Variants in COG2 observed in about 807,000 individuals in gnomAD.
COG2 encodes conserved oligomeric Golgi complex subunit 2.
A neutral mutation model predicts 90.6 loss-of-function variants in COG2; 52 were observed. That is an observed-to-expected ratio of 0.57 (90% CI 0.46 to 0.72). The LOEUF (loss-of-function observed/expected upper bound fraction) is 0.72. Ranked by LOEUF, COG2 falls within the 30% of genes least tolerant of loss-of-function variation. COG2 has a pLI of 0.00. For missense variants in COG2, 829 were observed against 891.2 expected (o/e 0.93, Z 0.89); for synonymous variants, 337 against 320.4 (o/e 1.05, Z -0.55).
In COG2 at chr1:230,675,474, G is replaced by C. The variant is rs1389674272; in HGVS notation, c.1026+350G>C. Among the ~76,000 whole-genome samples, 4 of 152,108 alleles carry C rather than the reference G, an allele frequency of 2.6e-5. No individual in the cohort carries two copies. The East Asian group carries it at 7.7e-4, about 29-fold the overall frequency. ...TGAAAAATTAAGTTTGTACATCTCT[G>C]CCATATAATTTTGAATGAAAACAGA... On this transcript the variant is annotated intron_variant, in intron 9 of 17. Transcript: ENST00000366669.
chr1:230,651,204 G>A (rs1661906147), intron 1 of COG2, among the ~76,000 whole-genome samples: 1 of 152,058 alleles, frequency 6.6e-6, no homozygotes, highest in Non-Finnish European at 1.5e-5. Context: ...ATGTCTGGGG[G>A]ATTTGGGTTC....
At chr1:230,660,023 C>T (rs1474365826) in intron 2 of COG2, among the ~76,000 whole-genome samples, 1 of 152,170 alleles carries the variant, frequency 6.6e-6, no homozygotes, top group Non-Finnish European at 1.5e-5. Flanking sequence ...ATTGAGAGAA[C>T]ATTGGCCAGT....
chr1:230,664,563 A>T lies in COG2; in HGVS notation c.461A>T (p.Glu154Val). 2 of 1,562,984 alleles carry T rather than the reference A, an allele frequency of 1.3e-6. No individual in the cohort carries two copies. The highest frequency in any genetic ancestry group is 1.7e-6 in the Non-Finnish European group (2 of 1,147,758). Residue 154 changes from glutamate (E) to valine (V), a missense_variant, in exon 5 of 18, where the codon GAA (glutamate) becomes GTA (valine). Glu to Val is a moderately radical substitution (Grantham distance 121). Coordinates refer to ENST00000366669, the MANE Select transcript of COG2 (RefSeq NM_007357.3). ...EKILNSQSSKETSALEASSPL... is the reference protein window; with the variant it reads ...EKILNSQSSKVTSALEASSPL... ...ATCTTAAACTCTCAAAGTTCTAAAGAAACCTCTGCACTAGAAGCAAGCAGG... is the reference window on the plus strand; with the variant it reads ...ATCTTAAACTCTCAAAGTTCTAAAGTAACCTCTGCACTAGAAGCAAGCAGG...
chr1:230,678,959 G>C lies in COG2; in HGVS notation c.1073G>C (p.Cys358Ser). ...TTTGTCAGAAGATTGGAACGGCAGT[G>C]TGGATCACAGGCTAGTGTAAAGAGA... is the stretch of plus-strand genomic sequence containing the variant. Reference protein sequence around the residue: ...MDFVRRLERQCGSQASVKRLR... With the variant: ...MDFVRRLERQSGSQASVKRLR... The change falls in exon 10 of 18, where the codon TGT becomes TCT. Residue 358 changes from cysteine to serine, a missense_variant. Physicochemically the swap from Cys to Ser is moderately radical, Grantham distance 112. Transcript: ENST00000366669. 6.2e-7 allele frequency: 1 copy of C among 1,613,616 alleles called. No homozygotes were observed. Among genetic ancestry groups the C allele is most frequent in the Non-Finnish European group, 8.5e-7 (1 of 1,179,600 alleles).
chr1:230,688,959 T>G, intron 15 of COG2, among the ~76,000 whole-genome samples: 1 of 152,310 alleles, frequency 6.6e-6, no homozygotes, highest in East Asian at 1.9e-4. Context: ...AGTTGGCCCC[T>G]TATCCCCAGG....
chr1:230,689,934 G>T, intron 15 of COG2, 80 bp from the exon 16 acceptor site: 1 of 1,372,524 alleles, frequency 7.3e-7, no homozygotes, highest in Non-Finnish European at 9.9e-7. Flanking sequence ...GTATCCTTTT[G>T]GACTTGAGTT....
intron 1 of COG2, 76 bp downstream of exon 1, chr1:230,642,754 G>T: frequency 7.0e-7 from 1 of 1,420,676 alleles, no homozygotes; most frequent in Non-Finnish European, 9.6e-7. Flanking sequence ...CGGTCTCTTC[G>T]GTCGGCTGCT....
chr1:230,678,861 C>G, intron 9 of COG2, 52 bp from the exon 10 acceptor site: 2 of 1,593,650 alleles, frequency 1.3e-6, no homozygotes, highest in South Asian at 2.2e-5. Flanking sequence ...TACATGCTCC[C>G]TGTTCTAGTT....
At chr1:230,677,035 G>T (rs1484910603) in intron 9 of COG2, among the ~76,000 whole-genome samples, 10 of 151,962 alleles carry the variant, frequency 6.6e-5, no homozygotes, top group African/African-American at 1.7e-4. Context: ...CTGAGAATTG[G>T]TATCTTTCAT....
intron 11 of COG2, chr1:230,684,396 G>T (rs1378313602): frequency 2.0e-5 from 3 of 152,426 alleles, no homozygotes; most frequent in Non-Finnish European, 4.4e-5. Context: ...GGCCTCCTGT[G>T]CCCTGGCCGC....
Position 230,642,513 on chromosome 1 carries a change from G to GAAAC in COG2, c.-93_-90dup. 1 of 1,295,468 alleles carries GAAAC rather than the reference G, an allele frequency of 7.7e-7. No homozygotes were observed. Among genetic ancestry groups the GAAAC allele is most frequent in the Non-Finnish European group, 1.1e-6 (1 of 920,530 alleles). 80.2% of individuals were successfully genotyped at this position (1,295,468 alleles called of 1,614,324 possible). On this transcript the variant is annotated 5_prime_UTR_variant, in exon 1 of 18. The change abolishes the stop of an existing upstream ORF in the 5' untranslated region. Coordinates refer to ENST00000366669, the MANE Select transcript of COG2 (RefSeq NM_007357.3). ...CGGAAGCGGACCCCCCTGTGCCGTGGAAACTGGCGGTGGCCGCGGCCGCCG... is the reference window on the plus strand; with the variant it reads ...CGGAAGCGGACCCCCCTGTGCCGTGGAAACAAACTGGCGGTGGCCGCGGCCGCCG...
chr1:230,662,200 T>A (rs1662197003), intron 3 of COG2, among the ~76,000 whole-genome samples: 1 of 152,188 alleles, frequency 6.6e-6, no homozygotes. Flanking sequence ...CAGCTGTCTC[T>A]ATAGCCACCT....
intron 1 of COG2, among the ~76,000 whole-genome samples, chr1:230,650,120 G>A (rs993338271): frequency 6.6e-6 from 1 of 152,128 alleles, no homozygotes; most frequent in Non-Finnish European, 1.5e-5. Context: ...CCAATCCTCC[G>A]TTGATAGACA....
At chr1:230,679,284 C>G (rs1662675439) in intron 10 of COG2, 1 of 376,982 alleles carries the variant, frequency 2.7e-6, no homozygotes, top group East Asian at 4.1e-5. Context: ...GCTCAGAACA[C>G]AAGAGTTGGA....
chr1:230,687,099 T>C lies in COG2; in HGVS notation c.1545T>C (p.Tyr515=), dbSNP rs1254317966. The C allele has an allele frequency of 1.2e-6, 2 of 1,613,038 alleles. No individual in the cohort carries two copies. The highest frequency in any genetic ancestry group is 1.7e-6 in the Non-Finnish European group (2 of 1,179,382). The change falls in exon 13 of 18, where the codon TAT becomes TAC. Residue 515 remains tyrosine, a synonymous_variant. Coordinates refer to ENST00000366669, the MANE Select transcript of COG2 (RefSeq NM_007357.3). The part of the protein sequence containing the change: ...VVSISRTQLV[Y]VVADLDKLQE... The stretch of plus-strand genomic sequence containing the variant: ...CCATTTCCCGCACTCAGCTCGTGTA[T>C]GTGGTTGCAGACCTGGACAAGCTTC...
chr1:230,659,879 C>T (rs1662144728), intron 2 of COG2, among the ~76,000 whole-genome samples: 1 of 152,176 alleles, frequency 6.6e-6, no homozygotes, highest in Non-Finnish European at 1.5e-5. Context: ...CTAGCAGTAG[C>T]AGACTGGTTG....
chr1:230,663,854 C>T (rs561061871), intron 4 of COG2, among the ~76,000 whole-genome samples: 130 of 152,132 alleles, frequency 8.5e-4, no homozygotes, highest in Non-Finnish European at 1.4e-3. Flanking sequence ...AAGGACCTTA[C>T]GAACATAAAT....
intron 10 of COG2, chr1:230,683,126 C>G: frequency 6.4e-6 from 1 of 156,440 alleles, no homozygotes; most frequent in South Asian, 1.9e-4. Flanking sequence ...TGATTTTTCT[C>G]AAGCTGCCAA....
At chr1:230,680,553 A>G (rs544878708) in intron 10 of COG2, 1 of 152,292 alleles carries the variant, frequency 6.6e-6, no homozygotes, top group South Asian at 2.1e-4. Flanking sequence ...CAAAGCTGGT[A>G]ATTGGACCTT....
Sources: gnomAD v4.1 joint callset for allele counts (sites outside exome capture counted in the v4.1 genomes callset) on GRCh38, gnomAD v4.1.1 for gene constraint, MANE v1.5 for transcripts, NCBI Gene and HGNC (gene_info 2026-07-23, HGNC 2026-07-21) for gene names.